Variants in ZNF821 observed in about 807,000 individuals in gnomAD.
The protein encoded by ZNF821 is zinc finger protein 821.
In ZNF821, 16 loss-of-function variants were observed where a neutral mutation model predicts 44.3. The observed-to-expected ratio is 0.36, with a 90% CI of 0.24 to 0.55. The LOEUF is 0.55. Ranked by LOEUF, ZNF821 falls within the 20% of genes least tolerant of loss-of-function variation. ZNF821 has a pLI of 0.86. For missense variants in ZNF821, 436 were observed against 547.6 expected (o/e 0.80, Z 2.03); for synonymous variants, 204 against 197.6 (o/e 1.03, Z -0.27).
At chr16:71,862,052 G>A in intron 6 of ZNF821, 110 bp from the exon 7 acceptor site, 2 of 1,265,404 alleles carry the variant, frequency 1.6e-6, no homozygotes, top group Non-Finnish European at 2.2e-6. Context: ...TCAGAATAAG[G>A]AACTTCCAAG....
At chr16:71,877,068 GTTCCGTTTTACACTT>G (rs1487102413) in intron 3 of ZNF821, among the ~76,000 whole-genome samples, 2 of 151,978 alleles carry the variant, frequency 1.3e-5, no homozygotes, top group African/African-American at 4.8e-5. Context: ...CATCCAACTC[GTTCCGTTTTACACTT>G]TTCCGGGACT....
rs1191507386 is a variant in ZNF821, at chr16:71,883,264, T to C, written c.-131A>G. The C allele has an allele frequency of 1.1e-5, 5 of 454,270 alleles. No homozygotes were observed. Among genetic ancestry groups the C allele is most frequent in the African/African-American group, 1.0e-4 (5 of 49,964 alleles). The allele number at this position is 454,270 out of a possible 1,614,324, so 28.1% of individuals were successfully genotyped here. On this transcript the variant is annotated 5_prime_UTR_variant, in exon 2 of 8. Transcript: ENST00000425432. The stretch of plus-strand genomic sequence containing the variant: ...CAAAGCAAACTCGACTGAATCCAAG[T>C]GATCTGTATCTGCCAAAAAGGAGAG...
At chr16:71,895,240 A>T (rs2142508056) in exon 1 of ZNF821, 1 of 165,044 alleles carries the variant, frequency 6.1e-6, no homozygotes, top group Admixed American at 6.4e-5. Context: ...AGAGTCCGAG[A>T]ATCAACAGCT....
At chr16:71,889,950 T>G (rs1180476647) in intron 1 of ZNF821, among the ~76,000 whole-genome samples, 2 of 152,158 alleles carry the variant, frequency 1.3e-5, no homozygotes, top group African/African-American at 2.4e-5. Flanking sequence ...AGCGAGACCC[T>G]GTCTCAGGCA....
chr16:71,869,041 C>T (rs1049154238), intron 3 of ZNF821, among the ~76,000 whole-genome samples: 1 of 152,118 alleles, frequency 6.6e-6, no homozygotes, highest in Admixed American at 6.6e-5. Flanking sequence ...ATGAACTCTG[C>T]TTGGGATCCA....
intron 6 of ZNF821, among the ~76,000 whole-genome samples, chr16:71,863,138 C>G (rs1054286023): frequency 6.6e-6 from 1 of 152,058 alleles, no homozygotes; most frequent in Non-Finnish European, 1.5e-5. Flanking sequence ...TCAAGTGATC[C>G]GCCCACCTTG....
At chr16:71,892,178 CAAAAAAAAAAAAAAAAAAAAAAA>C (rs560376648) in intron 1 of ZNF821, among the ~76,000 whole-genome samples, 5,112 of 32,354 alleles carry the variant, frequency 0.16, 621 homozygotes, top group African/African-American at 0.41. Context: ...AACTCCGTCT[CAAAAAAAAAAAAAAAAAAAAAAA>C]AAAAAAAAAG....
upstream of ZNF821, among the ~76,000 whole-genome samples, chr16:71,889,129 G>T (rs2036872694): frequency 6.6e-6 from 1 of 152,124 alleles, no homozygotes; most frequent in Admixed American, 6.6e-5. Flanking sequence ...TGTACCTGTA[G>T]TCCAAGCTAC....
intron 5 of ZNF821, 164 bp downstream of exon 5, chr16:71,864,739 C>G: frequency 2.5e-6 from 2 of 784,992 alleles, no homozygotes; most frequent in Admixed American, 5.9e-5. Context: ...GTGGCGAGAA[C>G]TGAGAGTCTG....
chr16:71,876,815 C>G (rs1240512964), intron 3 of ZNF821, among the ~76,000 whole-genome samples: 1 of 151,934 alleles, frequency 6.6e-6, no homozygotes, highest in Non-Finnish European at 1.5e-5. Context: ...GCCTTGTTGC[C>G]CATGCTGCAC....
At chr16:71,880,057 A>T in intron 2 of ZNF821, 34 bp from the exon 3 acceptor site, 2 of 1,026,028 alleles carry the variant, frequency 1.9e-6, no homozygotes, top group South Asian at 3.8e-5. Context: ...AGCACATGTC[A>T]TTTTCCCCAG....
chr16:71,872,052 A>G (rs915550519), intron 3 of ZNF821, among the ~76,000 whole-genome samples: 15 of 151,904 alleles, frequency 9.9e-5, no homozygotes, highest in Admixed American at 6.6e-4. Flanking sequence ...GCTGGTCTCG[A>G]ACTCCCAACC....
chr16:71,883,123 G>C, intron 2 of ZNF821, 88 bp downstream of exon 2: 1 of 456,454 alleles, frequency 2.2e-6, no homozygotes. Context: ...ACAGGTATTA[G>C]GTTGCAGCGT....
Position 71,860,103 on chromosome 16 carries a change from TG to T in ZNF821, c.1153del (p.Gln385SerfsTer4). On this transcript the variant is annotated frameshift_variant, in exon 8 of 8. Coordinates refer to ENST00000425432, the MANE Select transcript of ZNF821 (RefSeq NM_001201552.2). LOFTEE classifies it high-confidence loss of function. This position sits in a 1 kb window ranked among gnomAD's most constrained non-coding sequence, Gnocchi z 7.3. The part of the protein sequence containing the change: ...AALAAEMNFF[Q>X]LPVSGVELDS... ...CAACTCCACCCCACTTACAGGCAGC[TG>T]GAAGAAGTTCATTTCAGCTGCTAAG... 6.2e-7 allele frequency: 1 copy of T among 1,614,252 alleles called. No individual in the cohort carries two copies. The highest frequency in any genetic ancestry group is 8.5e-7 in the Non-Finnish European group (1 of 1,180,046).
At position 71,867,945 on chromosome 16, in the gene ZNF821, T is replaced by C. The variant is rs970968162; in HGVS notation, c.133A>G (p.Ile45Val). ...PGDLGSQRQA[I>V]QQLRDQDSSS... ...GAGTCCTGATCTCTTAGTTGTTGGA[T>C]AGCTTGTCGCTGACTGCCAAGGTCT... The change falls in exon 4 of 8, where the codon ATC (isoleucine) becomes GTC (valine). Residue 45 changes from isoleucine (I) to valine (V), a missense_variant. Physicochemically the swap from Ile to Val is conservative, Grantham distance 29. Transcript: ENST00000425432. 9.8e-6 allele frequency: 15 copies of C among 1,535,932 alleles called. No individual in the cohort carries two copies. The highest frequency in any genetic ancestry group is 2.4e-5 in the South Asian group (2 of 84,042).
At chr16:71,892,040 G>A (rs1417154033) in intron 1 of ZNF821, among the ~76,000 whole-genome samples, 1 of 145,596 alleles carries the variant, frequency 6.9e-6, no homozygotes, top group African/African-American at 2.5e-5. Flanking sequence ...ACTTGGTGGT[G>A]GATGCCTGTA....
chr16:71,864,766 G>A (rs2034340414), intron 5 of ZNF821, 137 bp downstream of exon 5: 1 of 1,060,464 alleles, frequency 9.4e-7, no homozygotes, highest in Non-Finnish European at 1.4e-6. Flanking sequence ...GGGTTCTGGT[G>A]CCATGAAGGA....
At chr16:71,888,108 C>A (rs2036868645), upstream of ZNF821, among the ~76,000 whole-genome samples, 1 of 152,016 alleles carries the variant, frequency 6.6e-6, no homozygotes, top group African/African-American at 2.4e-5. Context: ...AACACCTAGG[C>A]TCAAGCAATC....
chr16:71,880,189 A>C, intron 2 of ZNF821, 166 bp from the exon 3 acceptor site: 1 of 409,340 alleles, frequency 2.4e-6, no homozygotes, highest in Non-Finnish European at 4.3e-6. Context: ...TCTCTAGCCT[A>C]ACGTCAAGGT....
Sources: allele counts gnomAD v4.1 joint callset (sites outside exome capture counted in the v4.1 genomes callset), GRCh38; gene constraint gnomAD v4.1.1; non-coding constraint Gnocchi (gnomAD v3.1); transcripts MANE v1.5; gene names NCBI Gene and HGNC (gene_info 2026-07-23, HGNC 2026-07-21).